The following BAZ2B variants were observed in gnomAD, a reference collection of about 807,000 sequenced individuals.
The protein encoded by BAZ2B is bromodomain adjacent to zinc finger domain 2B.
A neutral mutation model predicts 246.0 loss-of-function variants in BAZ2B; 91 were observed. The ratio of observed to expected loss-of-function variants is 0.37; its 90% CI spans 0.31 to 0.44. The LOEUF (loss-of-function observed/expected upper bound fraction) is 0.44, where lower values mean the gene tolerates loss of function less well. Ranked by LOEUF, BAZ2B falls within the 20% of genes least tolerant of loss-of-function variation. BAZ2B has a pLI of 1.00. For synonymous variants in BAZ2B, 855 were observed against 860.0 expected (o/e 0.99, Z 0.10); for missense variants, 2,332 against 2,533.7 (o/e 0.92, Z 1.71).
chr2:159,453,772 G>T lies in BAZ2B; in HGVS notation c.175C>A (p.Pro59Thr). The change falls in exon 4 of 37, where the codon CCG becomes ACG. Residue 59 changes from proline (P) to threonine (T), a missense_variant. Physicochemically the swap from Pro to Thr is conservative, Grantham distance 38. Coordinates refer to ENST00000392783, the MANE Select transcript of BAZ2B (RefSeq NM_013450.4). ...GHLFRTAGDQ[P>T]FNLSTVSSAF... ...CTCGACACTGTGGACAGGTTAAACGGTTGATCCCCAGCTGTTCTGAATAAA... is the reference window on the plus strand; with the variant it reads ...CTCGACACTGTGGACAGGTTAAACGTTTGATCCCCAGCTGTTCTGAATAAA... The T allele has an allele frequency of 6.2e-7, 1 of 1,610,032 alleles. No individual in the cohort carries two copies. The highest frequency in any genetic ancestry group is 8.5e-7 in the Non-Finnish European group (1 of 1,178,036).
chr2:159,488,810 T>C (rs2080128006), intron 2 of BAZ2B, among the ~76,000 whole-genome samples: 1 of 152,212 alleles, frequency 6.6e-6, no homozygotes, highest in Non-Finnish European at 1.5e-5. Flanking sequence ...GTAAAATCTA[T>C]CCTTGATGAT....
chr2:159,433,042 T>C lies in BAZ2B; in HGVS notation c.1615A>G (p.Thr539Ala). 6.2e-7 allele frequency: 1 copy of C among 1,614,220 alleles called. No homozygotes were observed. The highest frequency in any genetic ancestry group is 8.5e-7 in the Non-Finnish European group (1 of 1,180,030). ...TTGCCAGGGGTTCTTCTCCCACTTG[T>C]ACTCAGATTTACAGGTGAGGAAAAA... ...TPFSSPVNLS[T>A]SGRRTPGNQT... The change falls in exon 9 of 37, where the codon ACA becomes GCA. Residue 539 changes from threonine to alanine, a missense_variant. Thr to Ala is a moderately conservative substitution (Grantham distance 58, BLOSUM62 0). This residue lies in a region of BAZ2B where 651 missense variants were observed against 650.9 expected (regional missense o/e 1.00). Coordinates refer to ENST00000392783, the MANE Select transcript of BAZ2B (RefSeq NM_013450.4).
At chr2:159,448,092 C>G in intron 5 of BAZ2B, 150 bp downstream of exon 5, 2 of 875,320 alleles carry the variant, frequency 2.3e-6, no homozygotes, top group Admixed American at 6.7e-5. Context: ...CAACTGTACT[C>G]CAGCCTGGGC....
At chr2:159,439,538 T>C (rs2073000163) in intron 6 of BAZ2B, among the ~76,000 whole-genome samples, 1 of 152,230 alleles carries the variant, frequency 6.6e-6, no homozygotes, top group South Asian at 2.1e-4. Flanking sequence ...ATTCCAACTA[T>C]GATACATACA....
chr2:159,570,807 T>C (rs886644151), intron 1 of BAZ2B, among the ~76,000 whole-genome samples: 6 of 152,216 alleles, frequency 3.9e-5, no homozygotes, highest in Non-Finnish European at 7.3e-5. Flanking sequence ...CATAAGATGC[T>C]GTGCATATCT....
chr2:159,685,615 G>C, the BAZ2B span, among the ~76,000 whole-genome samples: 1 of 151,830 alleles, frequency 6.6e-6, no homozygotes, highest in Non-Finnish European at 1.5e-5. Flanking sequence ...CAAAGGAATG[G>C]GGCCATGTTA....
At chr2:159,441,260 C>A (rs114626938) in intron 6 of BAZ2B, among the ~76,000 whole-genome samples, 2,230 of 152,170 alleles carry the variant, frequency 0.015, 63 homozygotes, top group East Asian at 0.092. Flanking sequence ...AAGTGTGTAG[C>A]TTTTTATTTA....
At chr2:159,555,069 GGTGTGT>G (rs61204311) in intron 2 of BAZ2B, among the ~76,000 whole-genome samples, 9 of 123,516 alleles carry the variant, frequency 7.3e-5, no homozygotes, top group African/African-American at 2.6e-4. Flanking sequence ...GTATGTGGGG[GGTGTGT>G]GTGTGTGTGT....
At chr2:159,405,752 T>A (rs2065836958) in intron 14 of BAZ2B, among the ~76,000 whole-genome samples, 1 of 152,130 alleles carries the variant, frequency 6.6e-6, no homozygotes, top group Non-Finnish European at 1.5e-5. Flanking sequence ...TAAACCCCAC[T>A]TAGTGGGAAA....
intron 1 of BAZ2B, chr2:159,615,919 A>C (rs562613060): frequency 6.6e-6 from 1 of 152,424 alleles, no homozygotes; most frequent in Admixed American, 6.5e-5. Context: ...GCTTCTAGGA[A>C]TAAAGTTTAC....
chr2:159,423,314 TAAAC>T (rs60596753), intron 13 of BAZ2B, among the ~76,000 whole-genome samples: 2 of 151,092 alleles, frequency 1.3e-5, no homozygotes, highest in African/African-American at 4.9e-5. Flanking sequence ...AGACTCTATC[TAAAC>T]AAACAAACAA....
chr2:159,472,714 C>T (rs1231936369), intron 3 of BAZ2B, among the ~76,000 whole-genome samples: 1 of 152,122 alleles, frequency 6.6e-6, no homozygotes, highest in Non-Finnish European at 1.5e-5. Flanking sequence ...AATATTATCG[C>T]AGGCCTTTTC....
intron 33 of BAZ2B, among the ~76,000 whole-genome samples, chr2:159,333,878 T>G (rs2065184613): frequency 6.6e-6 from 1 of 152,144 alleles, no homozygotes; most frequent in Non-Finnish European, 1.5e-5. Flanking sequence ...ATATTTCATA[T>G]TAACATTGGC....
intron 34 of BAZ2B, among the ~76,000 whole-genome samples, chr2:159,326,980 T>C (rs1489802077): frequency 6.6e-6 from 1 of 152,160 alleles, no homozygotes; most frequent in African/African-American, 2.4e-5. Flanking sequence ...ACTATTCCCT[T>C]AACCAGATTG....
At chr2:159,711,538 A>C in the BAZ2B span, among the ~76,000 whole-genome samples, 7 of 152,190 alleles carry the variant, frequency 4.6e-5, no homozygotes, top group African/African-American at 1.7e-4. Flanking sequence ...GATTGCTTTT[A>C]ATACCTTAAC....
chr2:159,593,525 C>T (rs1014808896), intron 1 of BAZ2B, among the ~76,000 whole-genome samples: 1 of 152,118 alleles, frequency 6.6e-6, no homozygotes, highest in African/African-American at 2.4e-5. Context: ...CACTGTGAGG[C>T]TTCAGTTACG....
chr2:159,485,355 T>C (rs902855175), intron 2 of BAZ2B, among the ~76,000 whole-genome samples: 2 of 152,154 alleles, frequency 1.3e-5, no homozygotes, highest in Non-Finnish European at 2.9e-5. Context: ...GAAAATAATA[T>C]GTTCATAGGA....
chr2:159,384,590 A>C (rs2062400864), intron 23 of BAZ2B, among the ~76,000 whole-genome samples: 1 of 152,136 alleles, frequency 6.6e-6, no homozygotes, highest in Non-Finnish European at 1.5e-5. Flanking sequence ...ACTAGAGTAC[A>C]TGTTGGTATT....
intron 13 of BAZ2B, among the ~76,000 whole-genome samples, chr2:159,414,105 G>C (rs2067249747): frequency 6.6e-6 from 1 of 152,170 alleles, no homozygotes; most frequent in African/African-American, 2.4e-5. Context: ...CCTTTCATTT[G>C]CAACAACATC....
Sources: gnomAD v4.1 joint callset for allele counts (sites outside exome capture counted in the v4.1 genomes callset) on GRCh38, gnomAD v4.1.1 for gene constraint, gnomAD v4.1.1 regional missense constraint, MANE v1.5 for transcripts, NCBI Gene and HGNC (gene_info 2026-07-23, HGNC 2026-07-21) for gene names.